The following MED13L variants were observed in gnomAD, a reference collection of about 807,000 sequenced individuals.
The protein encoded by MED13L is mediator of RNA polymerase II transcription subunit 13-like.
Under a neutral mutation model 220.9 loss-of-function variants are expected in MED13L, and 7 were observed. The ratio of observed to expected loss-of-function variants is 0.03; its 90% CI spans 0.02 to 0.06. MED13L has a LOEUF of 0.06. Ranked by LOEUF, MED13L falls within the 10% of genes least tolerant of loss-of-function variation. The probability of loss-of-function intolerance (pLI) is 1.00; values close to 1 mark genes in which losing one functional copy is unlikely to be tolerated. For missense variants in MED13L, 1,965 were observed against 2,760.5 expected, an observed-to-expected ratio of 0.71 and a Z score of 6.46; for synonymous variants, 1,011 against 1,015.2, an observed-to-expected ratio of 1.00 and a Z score of 0.08.
chr12:116,054,034 T>C (rs1868736096), intron 4 of MED13L, among the ~76,000 whole-genome samples: 1 of 152,100 alleles, frequency 6.6e-6, no homozygotes, highest in Non-Finnish European at 1.5e-5. Flanking sequence ...TGCTTACAAA[T>C]TGTCTGCCAG....
chr12:116,254,859 A>G (rs1871898929), intron 1 of MED13L, among the ~76,000 whole-genome samples: 1 of 152,162 alleles, frequency 6.6e-6, no homozygotes, highest in Non-Finnish European at 1.5e-5. Context: ...TTCCAGATCT[A>G]TATACTAAGA....
At chr12:116,114,640 C>T (rs1387437774) in intron 2 of MED13L, among the ~76,000 whole-genome samples, 3 of 152,120 alleles carry the variant, frequency 2.0e-5, no homozygotes, top group South Asian at 4.1e-4. Flanking sequence ...TCATCCAATA[C>T]AATAGGGCAA....
At chr12:116,258,993 C>T (rs1872287593) in intron 1 of MED13L, among the ~76,000 whole-genome samples, 1 of 148,662 alleles carries the variant, frequency 6.7e-6, no homozygotes, top group African/African-American at 2.5e-5. Flanking sequence ...AAAAAATAGG[C>T]ATTATATATT....
intron 1 of MED13L, among the ~76,000 whole-genome samples, chr12:116,275,482 A>AT (rs1873742396): frequency 6.6e-6 from 1 of 152,164 alleles, no homozygotes; most frequent in Non-Finnish European, 1.5e-5. Flanking sequence ...TCACGTGTTG[A>AT]TTTTTTGGTC....
At chr12:116,234,266 G>A (rs928189752) in intron 2 of MED13L, among the ~76,000 whole-genome samples, 13 of 151,860 alleles carry the variant, frequency 8.6e-5, no homozygotes, top group African/African-American at 3.1e-4. Flanking sequence ...GTCTTGCTGT[G>A]TTGCCCAGCA....
rs1333663735 is a variant in MED13L at position 116,262,998 on chromosome 12, CTG to C, written c.72+14060_72+14061del. 5.9e-5 allele frequency among the ~76,000 whole-genome samples: 9 copies of C among 152,304 alleles called. No homozygotes were observed. In the East Asian group the frequency reaches 7.7e-4, roughly 13 times the overall value. ...AAGTTAAAGCGACATACTTTGAACA[CTG>C]TGTTTTTAGTAACTTAAATGTTAGT... On this transcript the variant is annotated intron_variant, in intron 1 of 30. Coordinates refer to ENST00000281928, the MANE Select transcript of MED13L (RefSeq NM_015335.5).
At chr12:116,017,642 G>T (rs183034999) in intron 7 of MED13L, among the ~76,000 whole-genome samples, 1 of 152,166 alleles carries the variant, frequency 6.6e-6, no homozygotes, top group East Asian at 1.9e-4. Context: ...TTGAGATATG[G>T]TCTAGCTCCG....
At chr12:116,243,906 T>G (rs1007067007) in intron 1 of MED13L, among the ~76,000 whole-genome samples, 1 of 152,152 alleles carries the variant, frequency 6.6e-6, no homozygotes, top group African/African-American at 2.4e-5. Flanking sequence ...TCAGTTCAAG[T>G]CTCCTGGCCC....
intron 2 of MED13L, among the ~76,000 whole-genome samples, chr12:116,151,497 T>C (rs1428942298): frequency 1.3e-5 from 2 of 152,218 alleles, no homozygotes; most frequent in Non-Finnish European, 2.9e-5. Flanking sequence ...ACAGTGATTT[T>C]AGAATAAAGC....
rs36066243 is a variant in MED13L, at chr12:116,103,999, C to CTTTTTTTTTTTTTTT, written c.396-7262_396-7248dup. ...CACCACCACATCCAAGGACATTGCT[C>CTTTTTTTTTTTTTTT]TTTTTTTTTTTTTTTTTTTTTTTTT... On this transcript the variant is annotated intron_variant, in intron 3 of 30. Coordinates refer to ENST00000281928, the MANE Select transcript of MED13L (RefSeq NM_015335.5). 3.3e-4 allele frequency among the ~76,000 whole-genome samples: 19 copies of CTTTTTTTTTTTTTTT among 57,464 alleles called. 3 individuals carry two copies. The highest frequency in any genetic ancestry group is 3.9e-4 in the Non-Finnish European group (13 of 33,476). 37.7% of individuals were successfully genotyped at this position (57,464 alleles called of 152,430 possible).
rs762299749 is a variant in MED13L at position 115,983,371 on chromosome 12, A to G, written c.4701T>C (p.Asn1567=). 1 of 1,614,190 alleles carries G rather than the reference A, an allele frequency of 6.2e-7. No individual in the cohort carries two copies. The highest frequency in any genetic ancestry group is 1.7e-5 in the Admixed American group (1 of 60,022). ...TTGCTGCAGGATTTGTAGAACTACT[A>G]TTCGAGGTGGGATTAAATGCACTGC... ...PAGSAFNPTS[N]SSSTNPAASS... is the part of the protein sequence containing the mutation. The change falls in exon 21 of 31, where the codon AAT becomes AAC. Residue 1567 remains asparagine (N), a synonymous_variant. Coordinates refer to ENST00000281928, the MANE Select transcript of MED13L (RefSeq NM_015335.5).
At chr12:116,251,503 T>C in intron 1 of MED13L, among the ~76,000 whole-genome samples, 1 of 144,136 alleles carries the variant, frequency 6.9e-6, no homozygotes, top group East Asian at 2.3e-4. Context: ...CTCACGCCTG[T>C]AATCCCAGCA....
At position 115,980,758 on chromosome 12, in the gene MED13L, T is replaced by A. The variant is rs1336558337; in HGVS notation, c.5356A>T (p.Asn1786Tyr). ...PAASIEMTLK[N>Y]PERPSPIQLY... is the part of the protein sequence containing the mutation. Reference sequence around the variant, plus strand: ...GTCCTGCCAATACCTACCTCAGGGTTCTTGAGGGTCATCTCAATGCTGGCT... The same window carrying A: ...GTCCTGCCAATACCTACCTCAGGGTACTTGAGGGTCATCTCAATGCTGGCT... Residue 1786 changes from asparagine to tyrosine, a missense_variant, in exon 23 of 31, where the codon AAC becomes TAC. Transcript: ENST00000281928. 6.2e-7 allele frequency: 1 copy of A among 1,614,120 alleles called. No homozygotes were observed. The highest frequency in any genetic ancestry group is 1.1e-5 in the South Asian group (1 of 91,082).
At chr12:115,989,885 A>G (rs985966085) in intron 17 of MED13L, among the ~76,000 whole-genome samples, 4 of 152,150 alleles carry the variant, frequency 2.6e-5, no homozygotes, top group African/African-American at 9.7e-5. Context: ...CCCCAAATCC[A>G]TTCCTGCCAC....
rs75854526 is a variant in MED13L, at chr12:116,052,667, C to G, written c.480-30066G>C. ...TGTTAAGATTCTGGTTTGCATTACACCATTTTGACAAATTAGCCATCCCAA... is the reference window on the plus strand; with the variant it reads ...TGTTAAGATTCTGGTTTGCATTACAGCATTTTGACAAATTAGCCATCCCAA... On this transcript the variant is annotated intron_variant, in intron 4 of 30. Transcript: ENST00000281928. Among the ~76,000 whole-genome samples, 455 of 152,276 alleles carry G rather than the reference C, an allele frequency of 3.0e-3. 3 individuals are homozygous for G. The highest frequency in any genetic ancestry group is 0.01 in the African/African-American group (434 of 41,568).
intron 2 of MED13L, among the ~76,000 whole-genome samples, chr12:116,194,463 C>T (rs146711964): frequency 1.3e-5 from 2 of 151,844 alleles, no homozygotes; most frequent in Admixed American, 6.6e-5. Context: ...CCACTCCCAG[C>T]CACCCCTACT....
intron 4 of MED13L, among the ~76,000 whole-genome samples, chr12:116,065,272 A>T (rs374525590): frequency 6.6e-6 from 1 of 152,166 alleles, no homozygotes. Context: ...ACGTGTGTGT[A>T]TATGTGTTTG....
chr12:116,250,048 A>AAC (rs1565949255), intron 1 of MED13L, among the ~76,000 whole-genome samples: 2 of 149,156 alleles, frequency 1.3e-5, no homozygotes, highest in South Asian at 2.1e-4. Context: ...AAAAAAAAAA[A>AAC]ACACACCAAA....
intron 1 of MED13L, among the ~76,000 whole-genome samples, chr12:116,257,001 A>G (rs746035599): frequency 2.6e-5 from 4 of 152,178 alleles, no homozygotes; most frequent in Non-Finnish European, 4.4e-5. Context: ...TAATAAAACC[A>G]AAGTATCATC....
Sources: gnomAD v4.1 joint callset for allele counts (sites outside exome capture counted in the v4.1 genomes callset) on GRCh38, gnomAD v4.1.1 for gene constraint, MANE v1.5 for transcripts, NCBI Gene and HGNC (gene_info 2026-07-23, HGNC 2026-07-21) for gene names.